The following XRCC5 variants were observed in gnomAD, a reference collection of about 807,000 sequenced individuals.
XRCC5 encodes the protein X-ray repair cross complementing 5, also known as DNA repair protein Ku80.
In XRCC5, 12 loss-of-function variants were observed where a neutral mutation model predicts 95.7. The observed-to-expected ratio is 0.13, with a 90% CI of 0.08 to 0.20. The LOEUF (loss-of-function observed/expected upper bound fraction) is 0.20, where lower values mean the gene tolerates loss of function less well. Ranked by LOEUF, XRCC5 falls within the 10% of genes least tolerant of loss-of-function variation. XRCC5 has a pLI of 1.00. For missense variants in XRCC5, 595 were observed against 873.9 expected (o/e 0.68, Z 4.02); for synonymous variants, 281 against 290.3 (o/e 0.97, Z 0.33).
At chr2:216,114,822 G>T (rs1202655131) in intron 2 of XRCC5, among the ~76,000 whole-genome samples, 4 of 152,158 alleles carry the variant, frequency 2.6e-5, no homozygotes, top group Non-Finnish European at 5.9e-5. Flanking sequence ...TGCCTCTGGG[G>T]GCGCTCGACC....
intron 16 of XRCC5, among the ~76,000 whole-genome samples, chr2:216,178,900 G>T (rs760832707): frequency 6.6e-6 from 1 of 152,086 alleles, no homozygotes; most frequent in Non-Finnish European, 1.5e-5. Flanking sequence ...AACCAGTGAG[G>T]CCTACACCAT....
At chr2:216,125,894 A>T (rs370282251) in intron 6 of XRCC5, 23 bp from the exon 7 acceptor site, 12 of 1,590,790 alleles carry the variant, frequency 7.5e-6, no homozygotes, top group Non-Finnish European at 1.0e-5. Flanking sequence ...TGTTGCTTTC[A>T]TTTTATATTT....
chr2:216,183,409 C>T (rs550483190), intron 16 of XRCC5, among the ~76,000 whole-genome samples: 6 of 152,210 alleles, frequency 3.9e-5, no homozygotes, highest in African/African-American at 1.4e-4. Context: ...AATTACTGCA[C>T]TTAATGAGAA....
At chr2:216,157,682 C>T (rs1559250755) in intron 14 of XRCC5, among the ~76,000 whole-genome samples, 1 of 152,066 alleles carries the variant, frequency 6.6e-6, no homozygotes, top group Non-Finnish European at 1.5e-5. Context: ...AGCTTAGTGG[C>T]TGATATATAG....
At chr2:216,129,072 T>C (rs150925147) in intron 8 of XRCC5, among the ~76,000 whole-genome samples, 1 of 152,232 alleles carries the variant, frequency 6.6e-6, no homozygotes. Context: ...TCACTGGGGC[T>C]ATATTTTAAG....
chr2:216,149,890 G>A (rs1023688488), intron 14 of XRCC5, among the ~76,000 whole-genome samples: 3 of 152,158 alleles, frequency 2.0e-5, no homozygotes, highest in African/African-American at 7.2e-5. Flanking sequence ...TAATCTTGCA[G>A]GGGCCTGAGA....
At chr2:216,144,773 C>G (rs907318964) in intron 13 of XRCC5, among the ~76,000 whole-genome samples, 4 of 152,130 alleles carry the variant, frequency 2.6e-5, no homozygotes, top group African/African-American at 9.7e-5. Flanking sequence ...TTTGAGAGTC[C>G]TCCTCATTGA....
At chr2:216,149,889 A>AGG (rs1372267370) in intron 14 of XRCC5, among the ~76,000 whole-genome samples, 3 of 152,168 alleles carry the variant, frequency 2.0e-5, no homozygotes, top group Non-Finnish European at 4.4e-5. Context: ...TTAATCTTGC[A>AGG]GGGGCCTGAG....
intron 16 of XRCC5, among the ~76,000 whole-genome samples, chr2:216,187,583 T>C (rs1160034249): frequency 1.3e-5 from 2 of 151,278 alleles, no homozygotes; most frequent in Non-Finnish European, 2.9e-5. Context: ...TTGTTTTGCT[T>C]TGTTTTTTCG....
Position 216,205,115 on chromosome 2 carries a change from C to T in XRCC5, c.2185-73C>T, listed in dbSNP as rs1375094641. 4 of 1,576,852 alleles carry T rather than the reference C, an allele frequency of 2.5e-6. No homozygotes were observed. The East Asian group carries it at 6.7e-5, about 26-fold the overall frequency. On this transcript the variant is annotated intron_variant, in intron 20 of 20. Coordinates refer to ENST00000392132, the MANE Select transcript of XRCC5 (RefSeq NM_021141.4). ...CCAATGTAGAGTCATTTTCATTAAA[C>T]CCTCTCTCACCAGAGAAGCAGTGGT...
chr2:216,190,276 C>T lies in XRCC5; in HGVS notation c.1886C>T (p.Thr629Ile), dbSNP rs1264850409. Residue 629 changes from threonine (T) to isoleucine (I), a missense_variant, in exon 17 of 21, where the codon ACA (threonine) becomes ATA (isoleucine). By Grantham distance (89) the Thr-to-Ile change is moderately conservative. Transcript: ENST00000392132. ...GAACAGTTTTTGGATACTAATGAAA[C>T]ACCGTATTTTATGAAGAGCATAGAC... ...HIEQFLDTNE[T>I]PYFMKSIDCI... The T allele has an allele frequency of 9.3e-6, 15 of 1,613,968 alleles. No homozygotes were observed. The highest frequency in any genetic ancestry group is 1.3e-5 in the Non-Finnish European group (15 of 1,179,914).
At chr2:216,116,940 T>A in intron 3 of XRCC5, 98 bp downstream of exon 3, 2 of 1,331,970 alleles carry the variant, frequency 1.5e-6, no homozygotes, top group Non-Finnish European at 1.0e-6. Context: ...CAGCTATGAG[T>A]ATATGGGTAT....
At chr2:216,192,437 G>A (rs1327589851) in intron 17 of XRCC5, among the ~76,000 whole-genome samples, 1 of 152,198 alleles carries the variant, frequency 6.6e-6, no homozygotes, top group Non-Finnish European at 1.5e-5. Flanking sequence ...GAAGCTCTGT[G>A]CCTTCCACAG....
chr2:216,166,152 A>G (rs954420745), intron 16 of XRCC5, among the ~76,000 whole-genome samples: 4 of 151,998 alleles, frequency 2.6e-5, no homozygotes, highest in African/African-American at 7.3e-5. Context: ...AAGGGGTCTC[A>G]GTCTGTCGCC....
At chr2:216,204,265 C>T (rs960079969) in intron 19 of XRCC5, 57 bp from the exon 20 acceptor site, 154 of 1,605,290 alleles carry the variant, frequency 9.6e-5, no homozygotes, top group Non-Finnish European at 1.6e-5. Flanking sequence ...AGATTGTTCC[C>T]TCTTTCAAAG....
At chr2:216,176,724 A>G (rs570312075) in intron 16 of XRCC5, among the ~76,000 whole-genome samples, 11 of 151,916 alleles carry the variant, frequency 7.2e-5, no homozygotes, top group Middle Eastern at 3.4e-3. Context: ...TCTGATCTTT[A>G]TTATTCCATT....
chr2:216,191,703 G>A (rs368541317), intron 17 of XRCC5, among the ~76,000 whole-genome samples: 4 of 152,126 alleles, frequency 2.6e-5, no homozygotes, highest in African/African-American at 4.8e-5. Context: ...GAGCCACTGC[G>A]CCCGGCCAAG....
At chr2:216,137,032 G>A (rs929887416) in intron 10 of XRCC5, 56 bp from the exon 11 acceptor site, 1 of 1,575,558 alleles carries the variant, frequency 6.3e-7, no homozygotes, top group African/African-American at 1.4e-5. Flanking sequence ...ATTGAGTTCT[G>A]TTGTGAAAAC....
chr2:216,144,110 A>T (rs1359473685), intron 13 of XRCC5, among the ~76,000 whole-genome samples: 1 of 152,216 alleles, frequency 6.6e-6, no homozygotes, highest in Non-Finnish European at 1.5e-5. Context: ...CACCATGAGA[A>T]TAAGAAGAAA....
Sources: gnomAD v4.1 joint callset for allele counts (sites outside exome capture counted in the v4.1 genomes callset) on GRCh38, gnomAD v4.1.1 for gene constraint, MANE v1.5 for transcripts, NCBI Gene and HGNC (gene_info 2026-07-23, HGNC 2026-07-21) for gene names.